The following DNAH12 variants were observed in gnomAD, a reference collection of about 807,000 sequenced individuals.
DNAH12 encodes axonemal beta dynein heavy chain 12.
DNAH12 carries 285 observed loss-of-function variants against 371.5 expected under a neutral mutation model. The ratio of observed to expected loss-of-function variants is 0.77; its 90% confidence interval spans 0.70 to 0.85. DNAH12 has a LOEUF of 0.85. Ranked by LOEUF, DNAH12 falls within the 40% of genes least tolerant of loss-of-function variation. The probability of loss-of-function intolerance (pLI) is 0.00; values close to 1 mark genes in which losing one functional copy is unlikely to be tolerated. For missense variants in DNAH12, 3,611 were observed against 3,689.4 expected, an observed-to-expected ratio of 0.98 and a Z score of 0.55; for synonymous variants, 1,200 against 1,213.0, an observed-to-expected ratio of 0.99 and a Z score of 0.22.
chr3:57,308,501 A>G (rs920931120), intron 69 of DNAH12, among the ~76,000 whole-genome samples: 1 of 152,182 alleles, frequency 6.6e-6, no homozygotes, highest in Admixed American at 6.5e-5. Flanking sequence ...ACTCCTTTTT[A>G]TTAGGCCCCA....
At chr3:57,327,169 A>G (rs1196679406) in intron 62 of DNAH12, among the ~76,000 whole-genome samples, 2 of 152,170 alleles carry the variant, frequency 1.3e-5, no homozygotes, top group Admixed American at 1.3e-4. Context: ...AAAGTCAACA[A>G]GGATACCCAG....
At chr3:57,522,404 C>A (rs1013038524) in intron 4 of DNAH12, among the ~76,000 whole-genome samples, 41 of 152,020 alleles carry the variant, frequency 2.7e-4, no homozygotes, top group African/African-American at 9.9e-4. Context: ...AACACATACA[C>A]GCAAATATTA....
intron 39 of DNAH12, among the ~76,000 whole-genome samples, chr3:57,411,918 C>T (rs2064219611): frequency 6.6e-6 from 1 of 152,180 alleles, no homozygotes; most frequent in South Asian, 2.1e-4. Flanking sequence ...ACACACCCAA[C>T]TTTAAGGCTT....
rs186716753 is a variant in DNAH12, at chr3:57,303,198, T to C, written c.11190-1259A>G. On this transcript the variant is annotated intron_variant, in intron 69 of 73. Coordinates refer to ENST00000495027, the MANE Select transcript of DNAH12 (RefSeq NM_001366028.2). ...ACTAAAAATACAAAAAATTAGCCAG[T>C]CGTGGTGGTGGGCGCCTGTAGTCCC... Among the ~76,000 whole-genome samples the C allele has an allele frequency of 2.9e-3, 432 of 151,150 alleles. 2 individuals carry two copies. Among genetic ancestry groups the C allele is most frequent in the African/African-American group, 9.9e-3 (408 of 41,258 alleles).
chr3:57,341,811 A>T (rs1326705062), intron 60 of DNAH12, among the ~76,000 whole-genome samples: 1 of 152,162 alleles, frequency 6.6e-6, no homozygotes, highest in African/African-American at 2.4e-5. Context: ...AGCCAAAACA[A>T]TACTAAGCAA....
At chr3:57,424,986 T>C in intron 35 of DNAH12, 36 bp downstream of exon 35, 1 of 685,124 alleles carries the variant, frequency 1.5e-6, no homozygotes, top group Non-Finnish European at 2.6e-6. Context: ...GCATAATTTA[T>C]TTATAATTAA....
Position 57,461,701 on chromosome 3 carries a change from G to A in DNAH12, c.2536-12C>T, listed in dbSNP as rs2066058867. ...TCTAATGAAAATTCCTAAAACGGAG[G>A]AATGAAGAAAGAACGGGATGGTGAA... On this transcript the variant is annotated splice_polypyrimidine_tract_variant and intron_variant, in intron 18 of 73. Transcript: ENST00000495027. 4 of 1,546,920 alleles carry A rather than the reference G, an allele frequency of 2.6e-6. No individual in the cohort carries two copies. The highest frequency in any genetic ancestry group is 2.6e-6 in the Non-Finnish European group (3 of 1,144,654).
At chr3:57,506,561 C>T (rs2067766167) in intron 8 of DNAH12, among the ~76,000 whole-genome samples, 1 of 152,136 alleles carries the variant, frequency 6.6e-6, no homozygotes, top group Admixed American at 6.5e-5. Flanking sequence ...CGTGCCTCAG[C>T]CTCCTGAGTG....
At chr3:57,480,305 A>G (rs2066693191) in intron 13 of DNAH12, among the ~76,000 whole-genome samples, 1 of 152,224 alleles carries the variant, frequency 6.6e-6, no homozygotes, top group Non-Finnish European at 1.5e-5. Flanking sequence ...CTACGCAAAT[A>G]AACTAGAAAA....
In DNAH12 at chr3:57,333,329, C is replaced by CTTTTTTTTTTTTTTTTTTTTTTTT. The variant is rs34135477; in HGVS notation, c.9978+1135_9978+1136insAAAAAAAAAAAAAAAAAAAAAAAA. Among the ~76,000 whole-genome samples the CTTTTTTTTTTTTTTTTTTTTTTTT allele has an allele frequency of 4.4e-4, 49 of 111,110 alleles. 5 individuals are homozygous for CTTTTTTTTTTTTTTTTTTTTTTTT. Among genetic ancestry groups the CTTTTTTTTTTTTTTTTTTTTTTTT allele is most frequent in the African/African-American group, 2.2e-3 (49 of 21,888 alleles). 72.9% of individuals were successfully genotyped at this position (111,110 alleles called of 152,430 possible). ...CGGATACATGTTCTTTTTAAGGCAA[C>CTTTTTTTTTTTTTTTTTTTTTTTT]TTTTTTTTTTTTTTTTTTTTAGATG... On this transcript the variant is annotated intron_variant, in intron 62 of 73. Coordinates refer to ENST00000495027, the MANE Select transcript of DNAH12 (RefSeq NM_001366028.2).
intron 62 of DNAH12, among the ~76,000 whole-genome samples, chr3:57,325,461 AG>A (rs2061920761): frequency 6.6e-6 from 1 of 152,244 alleles, no homozygotes; most frequent in South Asian, 2.1e-4. Flanking sequence ...CCAGGCAAAC[AG>A]GGTCTGGAGT....
At chr3:57,417,777 G>T (rs979688629) in intron 37 of DNAH12, among the ~76,000 whole-genome samples, 1 of 152,012 alleles carries the variant, frequency 6.6e-6, no homozygotes, top group Non-Finnish European at 1.5e-5. Flanking sequence ...GTTATTTAAT[G>T]TGTTAATAAA....
At chr3:57,299,710 CTT>C (rs1266870420) in intron 70 of DNAH12, among the ~76,000 whole-genome samples, 2 of 152,244 alleles carry the variant, frequency 1.3e-5, no homozygotes, top group Admixed American at 6.5e-5. Flanking sequence ...ACATTTTTCT[CTT>C]TTTCTCTCAT....
chr3:57,543,320 T>TTTG (rs2069380443), intron 1 of DNAH12, among the ~76,000 whole-genome samples: 1 of 135,138 alleles, frequency 7.4e-6, no homozygotes, highest in Non-Finnish European at 1.6e-5. Flanking sequence ...TAATGGTTTT[T>TTTG]TTTTTTTTTT....
At chr3:57,427,465 T>G (rs905922158) in intron 34 of DNAH12, among the ~76,000 whole-genome samples, 1 of 151,774 alleles carries the variant, frequency 6.6e-6, no homozygotes, top group Non-Finnish European at 1.5e-5. Context: ...GGTGGGTGGA[T>G]CAACTGAGGT....
chr3:57,548,905 A>G (rs1475728735), upstream of DNAH12: 2 of 152,252 alleles, frequency 1.3e-5, no homozygotes, highest in African/African-American at 2.4e-5. Context: ...TGGTGCCTGC[A>G]TAAGGATGAC....
At chr3:57,550,553 C>A in the DNAH12 span, among the ~76,000 whole-genome samples, 1 of 152,114 alleles carries the variant, frequency 6.6e-6, no homozygotes, top group African/African-American at 2.4e-5. Context: ...CACTCTGCCA[C>A]CCAGGCTGGA....
intron 62 of DNAH12, among the ~76,000 whole-genome samples, chr3:57,332,417 A>C (rs2062119977): frequency 6.6e-6 from 1 of 152,254 alleles, no homozygotes; most frequent in African/African-American, 2.4e-5. Flanking sequence ...CAATTTAAAA[A>C]ACAGGCACAA....
intron 60 of DNAH12, among the ~76,000 whole-genome samples, chr3:57,344,962 A>T (rs1038221822): frequency 6.6e-6 from 1 of 152,134 alleles, no homozygotes; most frequent in Non-Finnish European, 1.5e-5. Context: ...AAATTCATGT[A>T]TAATTTTTGA....
Sources: allele counts gnomAD v4.1 joint callset (sites outside exome capture counted in the v4.1 genomes callset), GRCh38; gene constraint gnomAD v4.1.1; transcripts MANE v1.5; gene names NCBI Gene and HGNC (gene_info 2026-07-23, HGNC 2026-07-21).